Variants in DMD observed in about 807,000 individuals in gnomAD.
DMD encodes mutant dystrophin.
Under a neutral mutation model 330.1 loss-of-function variants are expected in DMD, and 63 were observed. The observed-to-expected ratio is 0.19, with a 90% CI of 0.16 to 0.24. DMD has a LOEUF of 0.24. Ranked by LOEUF, DMD falls within the 10% of genes least tolerant of loss-of-function variation. The pLI is 1.00. For missense variants in DMD, 3,344 were observed against 2,684.1 expected (o/e 1.25, Z -5.43); for synonymous variants, 1,223 against 959.8 (o/e 1.27, Z -5.07).
intron 17 of DMD, among the ~76,000 whole-genome samples, chrX:32,533,341 T>G (rs2047651392): frequency 8.9e-6 from 1 of 111,752 alleles, no homozygotes; most frequent in African/African-American, 3.3e-5. Flanking sequence ...CTTCTAAACT[T>G]CCTTTACTTC....
chrX:31,622,846 TTATATATATATATA>T (rs757102035), intron 55 of DMD, among the ~76,000 whole-genome samples: 63 of 74,180 alleles, frequency 8.5e-4, no homozygotes, highest in Non-Finnish European at 1.4e-3. Context: ...CAGAAAAATT[TTATATATATATATA>T]TATATATATA....
At chrX:32,803,788 C>T (rs1006986079) in intron 7 of DMD, among the ~76,000 whole-genome samples, 5 of 111,900 alleles carry the variant, frequency 4.5e-5, no homozygotes, top group Non-Finnish European at 7.5e-5. Flanking sequence ...TTCTTAATCC[C>T]GCATTCTAAT....
At chrX:33,330,681 C>G (rs1263277587) in intron 1 of DMD, among the ~76,000 whole-genome samples, 1 of 111,988 alleles carries the variant, frequency 8.9e-6, no homozygotes, top group Non-Finnish European at 1.9e-5. Context: ...TTAGACCAGC[C>G]TAGACATTTT....
chrX:32,574,914 G>A (rs1220426536), intron 13 of DMD, among the ~76,000 whole-genome samples: 1 of 73,226 alleles, frequency 1.4e-5, no homozygotes, highest in African/African-American at 5.7e-5. Flanking sequence ...TTTTTTTTTT[G>A]TAGACAGAGT....
chrX:32,829,715 G>A (rs747042528), intron 4 of DMD, among the ~76,000 whole-genome samples: 1 of 111,275 alleles, frequency 9.0e-6, no homozygotes, highest in Non-Finnish European at 1.9e-5. Context: ...ATTTCACTAT[G>A]CCTACATCAT....
chrX:31,195,971 A>G (rs1381091227), intron 67 of DMD, among the ~76,000 whole-genome samples: 1 of 112,005 alleles, frequency 8.9e-6, no homozygotes, highest in Non-Finnish European at 1.9e-5. Flanking sequence ...CAGTAAGTGT[A>G]TAAACAAAAC....
intron 55 of DMD, among the ~76,000 whole-genome samples, chrX:31,507,838 A>G (rs1440695942): frequency 8.9e-6 from 1 of 112,072 alleles, no homozygotes; most frequent in Non-Finnish European, 1.9e-5. Flanking sequence ...TAATTTCATT[A>G]CTATATGGAT....
At chrX:32,041,698 C>G (rs996784852) in intron 44 of DMD, among the ~76,000 whole-genome samples, 15 of 110,691 alleles carry the variant, frequency 1.4e-4, no homozygotes, top group African/African-American at 4.9e-4. Flanking sequence ...TGATAGCCCT[C>G]GTACATGCAT....
intron 41 of DMD, among the ~76,000 whole-genome samples, chrX:32,329,089 T>G (rs1603630870): frequency 8.9e-6 from 1 of 112,084 alleles, no homozygotes; most frequent in East Asian, 2.8e-4. Context: ...ATAGACTCTA[T>G]GTCTTGGGGA....
At chrX:32,685,564 C>T (rs759594687) in intron 9 of DMD, among the ~76,000 whole-genome samples, 1 of 112,021 alleles carries the variant, frequency 8.9e-6, no homozygotes, top group African/African-American at 3.2e-5. Context: ...TAAATATTCA[C>T]TATAAGTAAG....
At position 31,562,504 on chromosome X, in the gene DMD, G is replaced by A. The variant is rs367994856; in HGVS notation, c.8218-55051C>T. Among the ~76,000 whole-genome samples the A allele has an allele frequency of 8.9e-5, 10 of 112,034 alleles. 1 individual carries two copies. In the East Asian group the frequency reaches 2.8e-3, roughly 31 times the overall value. On this transcript the variant is annotated intron_variant, in intron 55 of 78. Transcript: ENST00000357033. ...TGTCTATTTGTTAGATAGACATGGT[G>A]TCTTATTTCTTTATTTTCCTATCCC...
chrX:32,941,208 T>C (rs1383743516), intron 2 of DMD, among the ~76,000 whole-genome samples: 2 of 112,157 alleles, frequency 1.8e-5, no homozygotes, highest in South Asian at 7.4e-4. Flanking sequence ...GGTGGGAATG[T>C]AAATTAGTTC....
chrX:32,437,965 C>T (rs1473918346), intron 29 of DMD, among the ~76,000 whole-genome samples: 2 of 111,977 alleles, frequency 1.8e-5, no homozygotes, highest in Non-Finnish European at 1.9e-5. Context: ...CCCACACATA[C>T]TGGTCTATCT....
intron 13 of DMD, among the ~76,000 whole-genome samples, chrX:32,581,386 T>C (rs943997585): frequency 1.8e-5 from 2 of 112,250 alleles, no homozygotes; most frequent in African/African-American, 6.5e-5. Context: ...AGACTAAGGA[T>C]CATCAGATCA....
chrX:33,214,605 A>G, upstream of DMD, among the ~76,000 whole-genome samples: 1 of 111,900 alleles, frequency 8.9e-6, no homozygotes, highest in Non-Finnish European at 1.9e-5. Flanking sequence ...AAAAAAGGAA[A>G]ACAGCAGAGT....
intron 55 of DMD, among the ~76,000 whole-genome samples, chrX:31,555,410 G>A (rs191613078): frequency 9.8e-5 from 11 of 111,928 alleles, no homozygotes; most frequent in Non-Finnish European, 1.7e-4. Context: ...TGAGGCACCT[G>A]GGTACTAAAT....
At chrX:32,507,145 G>A (rs1449651159) in intron 18 of DMD, among the ~76,000 whole-genome samples, 1 of 111,479 alleles carries the variant, frequency 9.0e-6, no homozygotes, top group Admixed American at 9.6e-5. Context: ...AAAGACAGGA[G>A]GATTTGGGGT....
chrX:33,078,414 T>C (rs2094877164), intron 1 of DMD, among the ~76,000 whole-genome samples: 1 of 112,261 alleles, frequency 8.9e-6, no homozygotes, highest in African/African-American at 3.2e-5. Context: ...AAATTGAGAA[T>C]ACTCACAAAT....
chrX:33,158,343 A>T (rs746140243), intron 1 of DMD, among the ~76,000 whole-genome samples: 1 of 111,524 alleles, frequency 9.0e-6, no homozygotes, highest in Non-Finnish European at 1.9e-5. Context: ...AGAGAAGCCC[A>T]TGGTGGCCAG....
Sources: allele counts gnomAD v4.1 joint callset (sites outside exome capture counted in the v4.1 genomes callset), GRCh38; gene constraint gnomAD v4.1.1; transcripts MANE v1.5; gene names NCBI Gene and HGNC (gene_info 2026-07-23, HGNC 2026-07-21).